ZBTB20: variants seen among roughly 807,000 people sequenced by gnomAD.
The protein encoded by ZBTB20 is zinc finger and BTB domain containing 20, also known as zinc finger and BTB domain-containing protein 20.
ZBTB20 carries 9 observed loss-of-function variants against 56.9 expected under a neutral mutation model. The observed-to-expected ratio is 0.16, with a 90% CI of 0.10 to 0.28. The LOEUF (loss-of-function observed/expected upper bound fraction) is 0.28, where lower values mean the gene tolerates loss of function less well. Ranked by LOEUF, ZBTB20 falls within the 10% of genes least tolerant of loss-of-function variation. The pLI, the probability that ZBTB20 is intolerant of heterozygous loss-of-function variation, is 1.00. For missense variants in ZBTB20, 655 were observed against 1,003.0 expected, an observed-to-expected ratio of 0.65 and a Z score of 4.69; for synonymous variants, 417 against 420.7, an observed-to-expected ratio of 0.99 and a Z score of 0.11.
At chr3:114,999,041 A>G (rs1576527074) in intron 2 of ZBTB20, among the ~76,000 whole-genome samples, 1 of 139,914 alleles carries the variant, frequency 7.1e-6, no homozygotes, top group Admixed American at 7.2e-5. Flanking sequence ...GAGGGGAGGG[A>G]AAAGGAGGGG....
intron 5 of ZBTB20, among the ~76,000 whole-genome samples, chr3:114,736,971 C>T (rs1019376082): frequency 3.9e-5 from 6 of 152,232 alleles, no homozygotes; most frequent in East Asian, 3.9e-4. Context: ...AAATCTTTAC[C>T]GAGTTTGATT....
At chr3:114,564,407 C>T (rs1047024337) in intron 6 of ZBTB20, among the ~76,000 whole-genome samples, 3 of 151,948 alleles carry the variant, frequency 2.0e-5, no homozygotes, top group Admixed American at 6.6e-5. Flanking sequence ...TTCTAGGTAC[C>T]CAAATTTCAA....
At chr3:114,662,364 T>C (rs2060785978) in intron 6 of ZBTB20, among the ~76,000 whole-genome samples, 1 of 147,300 alleles carries the variant, frequency 6.8e-6, no homozygotes, top group Admixed American at 6.7e-5. Context: ...GCAATAAACA[T>C]ACATGTGCAT....
chr3:114,590,630 A>T (rs1337193184), intron 6 of ZBTB20, among the ~76,000 whole-genome samples: 2 of 152,130 alleles, frequency 1.3e-5, no homozygotes, highest in African/African-American at 4.8e-5. Context: ...ATGGTAATTT[A>T]AGAGTGATCC....
chr3:114,751,128 A>G (rs1207695180), intron 5 of ZBTB20, among the ~76,000 whole-genome samples: 1 of 152,144 alleles, frequency 6.6e-6, no homozygotes, highest in African/African-American at 2.4e-5. Flanking sequence ...TATTATTTAT[A>G]TATCAATACA....
intron 7 of ZBTB20, among the ~76,000 whole-genome samples, chr3:114,448,868 T>A (rs1005630006): frequency 1.1e-4 from 16 of 152,164 alleles, no homozygotes; most frequent in African/African-American, 3.9e-4. Context: ...TTTACAGTAA[T>A]GCTAACCTTT....
At chr3:114,887,726 T>G (rs903626175) in intron 4 of ZBTB20, among the ~76,000 whole-genome samples, 4 of 152,176 alleles carry the variant, frequency 2.6e-5, no homozygotes, top group Non-Finnish European at 4.4e-5. Context: ...AGAATAAATT[T>G]CTGTCGTTTT....
intron 6 of ZBTB20, among the ~76,000 whole-genome samples, chr3:114,610,075 A>AAAGCAGCAACAGCAGCAGCTG (rs745685381): frequency 1.8e-4 from 28 of 152,254 alleles, no homozygotes; most frequent in Admixed American, 9.8e-4. Context: ...AGCAGCAGCA[A>AAAGCAGCAACAGCAGCAGCTG]AAGCAGCAAC....
rs372873339 is a variant in ZBTB20 at position 114,815,900 on chromosome 3, ACT to A, written c.-416-14728_-416-14727del. On this transcript the variant is annotated intron_variant, in intron 4 of 11. Coordinates refer to ENST00000675478, the MANE Select transcript of ZBTB20 (RefSeq NM_001348800.3). ...CCAAAGATACATTATTTTAGATAAC[ACT>A]CTTTTTCTTTATTTTTATTTTTACT... is the stretch of plus-strand genomic sequence containing the variant. Among the ~76,000 whole-genome samples, 716 of 152,122 alleles carry A rather than the reference ACT, an allele frequency of 4.7e-3. 5 individuals carry two copies. The highest frequency in any genetic ancestry group is 0.026 in the South Asian group (127 of 4,816).
chr3:115,036,306 C>CT (rs1403449390), intron 2 of ZBTB20, among the ~76,000 whole-genome samples: 152 of 148,208 alleles, frequency 1.0e-3, no homozygotes, highest in African/African-American at 3.1e-3. Context: ...TTTTTTCTTT[C>CT]TTTTTTTTTT....
At chr3:114,415,916 T>G (rs2088499486) in intron 7 of ZBTB20, among the ~76,000 whole-genome samples, 1 of 152,130 alleles carries the variant, frequency 6.6e-6, no homozygotes, top group Non-Finnish European at 1.5e-5. Context: ...TAACCAATCC[T>G]GAGAGAATTC....
intron 4 of ZBTB20, among the ~76,000 whole-genome samples, chr3:114,899,458 A>G (rs1560377045): frequency 6.6e-6 from 1 of 152,142 alleles, no homozygotes. Flanking sequence ...TTATCTGAAG[A>G]GATCTACTCT....
chr3:115,140,572 CTTTGT>C (rs1045157021), intron 1 of ZBTB20, among the ~76,000 whole-genome samples: 11 of 151,688 alleles, frequency 7.3e-5, no homozygotes, highest in East Asian at 1.9e-4. Context: ...TGGTAGGGGT[CTTTGT>C]TTTGTTTTGT....
intron 7 of ZBTB20, among the ~76,000 whole-genome samples, chr3:114,436,576 GC>G (rs1459599385): frequency 6.6e-6 from 1 of 152,082 alleles, no homozygotes; most frequent in Non-Finnish European, 1.5e-5. Flanking sequence ...ACCTGTTAAG[GC>G]CTTGGCTATC....
intron 5 of ZBTB20, among the ~76,000 whole-genome samples, chr3:114,758,578 T>G (rs2702173): frequency 0.014 from 2,197 of 152,294 alleles, 60 homozygotes; most frequent in African/African-American, 0.049. Flanking sequence ...ACTAAAGATC[T>G]TTAAATCAAG....
chr3:114,873,686 G>A (rs142331235), intron 4 of ZBTB20, among the ~76,000 whole-genome samples: 48 of 152,184 alleles, frequency 3.2e-4, no homozygotes, highest in African/African-American at 8.7e-4. Context: ...AGTTTTGGGG[G>A]GTGGGGAACA....
intron 6 of ZBTB20, chr3:114,582,060 A>T (rs913550397): frequency 6.6e-6 from 1 of 152,220 alleles, no homozygotes; most frequent in Non-Finnish European, 1.5e-5. Flanking sequence ...TATATAGCTT[A>T]TGTAAAACTA....
At chr3:114,588,224 T>C (rs2055383052) in intron 6 of ZBTB20, among the ~76,000 whole-genome samples, 1 of 152,240 alleles carries the variant, frequency 6.6e-6, no homozygotes, top group African/African-American at 2.4e-5. Context: ...TTGCACAGAA[T>C]GTATCCTTTG....
At chr3:115,092,173 C>T (rs2083222093) in intron 1 of ZBTB20, among the ~76,000 whole-genome samples, 1 of 152,066 alleles carries the variant, frequency 6.6e-6, no homozygotes, top group African/African-American at 2.4e-5. Context: ...AAGACTAAAA[C>T]ATATTATAGA....
Sources: allele counts gnomAD v4.1 joint callset (sites outside exome capture counted in the v4.1 genomes callset), GRCh38; gene constraint gnomAD v4.1.1; transcripts MANE v1.5; gene names NCBI Gene and HGNC (gene_info 2026-07-23, HGNC 2026-07-21).